The following FOXN3 variants were observed in gnomAD, a reference collection of about 807,000 sequenced individuals.
FOXN3 encodes forkhead box protein N3.
A neutral mutation model predicts 38.4 loss-of-function variants in FOXN3; 7 were observed. That is an observed-to-expected ratio of 0.18 (90% CI 0.10 to 0.34). FOXN3 has a LOEUF of 0.34. Ranked by LOEUF, FOXN3 falls within the 10% of genes least tolerant of loss-of-function variation. FOXN3 has a pLI of 1.00. For missense variants in FOXN3, 456 were observed against 613.4 expected (o/e 0.74, Z 2.71); for synonymous variants, 230 against 242.2 (o/e 0.95, Z 0.47).
intron 4 of FOXN3, among the ~76,000 whole-genome samples, chr14:89,246,553 T>TTTTTTTTTC (rs1885304383): frequency 7.0e-6 from 1 of 142,632 alleles, no homozygotes; most frequent in African/African-American, 2.6e-5. Context: ...TTTTTTTTTT[T>TTTTTTTTTC]TTTTTTTGAG....
At chr14:89,462,823 TA>T (rs1312150082) in intron 1 of FOXN3, among the ~76,000 whole-genome samples, 1 of 151,696 alleles carries the variant, frequency 6.6e-6, no homozygotes, top group Non-Finnish European at 1.5e-5. Context: ...TAGCTGGGAC[TA>T]CAGGCGCCCG....
At chr14:89,248,140 G>A (rs892855322) in intron 4 of FOXN3, among the ~76,000 whole-genome samples, 1 of 152,182 alleles carries the variant, frequency 6.6e-6, no homozygotes, top group Non-Finnish European at 1.5e-5. Flanking sequence ...AGCTGGACCT[G>A]AGGTCACATT....
chr14:89,431,286 T>C (rs1209018618), intron 1 of FOXN3, among the ~76,000 whole-genome samples: 2 of 152,158 alleles, frequency 1.3e-5, no homozygotes, highest in African/African-American at 4.8e-5. Context: ...CTGCAACTTC[T>C]TCAGCTTCAC....
chr14:89,252,623 C>G (rs1885492743), intron 4 of FOXN3, among the ~76,000 whole-genome samples: 1 of 144,132 alleles, frequency 6.9e-6, no homozygotes, highest in Non-Finnish European at 1.5e-5. Flanking sequence ...CATTGCACTC[C>G]AGCCTGGGCA....
chr14:89,384,766 T>C (rs908384527), intron 2 of FOXN3, among the ~76,000 whole-genome samples: 31 of 152,120 alleles, frequency 2.0e-4, no homozygotes, highest in Non-Finnish European at 4.3e-4. Flanking sequence ...GGCAGACTTC[T>C]TGGAGGCGAT....
In FOXN3 at chr14:89,164,905, G is replaced by T. The variant is rs1486230336; in HGVS notation, c.852-1936C>A. Among the ~76,000 whole-genome samples the T allele has an allele frequency of 6.6e-6, 1 of 151,860 alleles. No individual in the cohort carries two copies. On this transcript the variant is annotated intron_variant, in intron 5 of 5. Transcript: ENST00000557258. The surrounding 1 kb of genome is among the most constrained non-coding windows in gnomAD (Gnocchi z 4.3). ...AGGGAAAGAGTCCCTAATGAAAAGG[G>T]TGCAGTAGGGAGTGAGGCGAAGGAG...
chr14:89,528,374 A>ATTTT (rs1280882695), intron 1 of FOXN3, among the ~76,000 whole-genome samples: 10 of 62,184 alleles, frequency 1.6e-4, no homozygotes, highest in African/African-American at 4.5e-4. Context: ...ACATGGATGA[A>ATTTT]TCTTTTTTTT....
chr14:89,286,806 A>C (rs1016264779), intron 3 of FOXN3, among the ~76,000 whole-genome samples: 2 of 152,160 alleles, frequency 1.3e-5, no homozygotes, highest in African/African-American at 4.8e-5. Flanking sequence ...GTGTGTGGGA[A>C]GCTTCACAAA....
intron 1 of FOXN3, among the ~76,000 whole-genome samples, chr14:89,564,773 G>T (rs537588573): frequency 1.3e-5 from 2 of 151,516 alleles, no homozygotes; most frequent in Admixed American, 1.3e-4. Context: ...GGAATAAGGT[G>T]GGCCCTAAAT....
intron 1 of FOXN3, among the ~76,000 whole-genome samples, chr14:89,510,261 C>T (rs539283913): frequency 1.3e-5 from 2 of 152,236 alleles, no homozygotes; most frequent in South Asian, 2.1e-4. Flanking sequence ...TCCTAACTGC[C>T]GATATTCTGT....
chr14:89,360,716 T>TCCACTACCACC (rs1889458674), intron 2 of FOXN3, among the ~76,000 whole-genome samples: 1 of 93,260 alleles, frequency 1.1e-5, no homozygotes, highest in Non-Finnish European at 2.3e-5. Flanking sequence ...CCTCCAGCAC[T>TCCACTACCACC]ACCTCCACCA....
chr14:89,268,251 C>T lies in FOXN3; in HGVS notation c.745+12699G>A, dbSNP rs891507252. ...GTCTCTGCAGCTATAATGGGGGATACGTGGATGTGAGGAGTATTACTACTA... is the reference window on the plus strand; with the variant it reads ...GTCTCTGCAGCTATAATGGGGGATATGTGGATGTGAGGAGTATTACTACTA... On this transcript the variant is annotated intron_variant, in intron 4 of 5. Coordinates refer to ENST00000557258, the MANE Select transcript of FOXN3 (RefSeq NM_005197.4). 1.1e-4 allele frequency among the ~76,000 whole-genome samples: 17 copies of T among 152,262 alleles called. No homozygotes were observed. In the East Asian group the frequency reaches 1.2e-3, roughly 10 times the overall value.
intron 3 of FOXN3, among the ~76,000 whole-genome samples, chr14:89,339,403 A>G (rs776083902): frequency 2.6e-5 from 4 of 152,172 alleles, no homozygotes; most frequent in Non-Finnish European, 5.9e-5. Context: ...GCCTCTTTCT[A>G]GACCTAACTA....
chr14:89,335,719 A>G (rs1566959814), intron 3 of FOXN3, among the ~76,000 whole-genome samples: 1 of 152,348 alleles, frequency 6.6e-6, no homozygotes, highest in East Asian at 1.9e-4. Context: ...ACTGTGTACA[A>G]TATTAGAGAT....
At chr14:89,226,199 GGGAGAGGGAAAA>G (rs1359939473) in intron 4 of FOXN3, among the ~76,000 whole-genome samples, 48 of 151,278 alleles carry the variant, frequency 3.2e-4, no homozygotes, top group African/African-American at 1.1e-3. Context: ...AGGAGGGACA[GGGAGAGGGAAAA>G]GGAGAGGGAG....
Position 89,390,109 on chromosome 14 carries a change from C to T in FOXN3, c.543+21825G>A, listed in dbSNP as rs577241699. ...GGCATAGTGACACAAGCCTGTAGTC[C>T]TAGCTATTTGGGAGGCTGAGGTGGG... is the stretch of plus-strand genomic sequence containing the variant. On this transcript the variant is annotated intron_variant, in intron 2 of 5. Coordinates refer to ENST00000557258, the MANE Select transcript of FOXN3 (RefSeq NM_005197.4). Among the ~76,000 whole-genome samples, 4 of 151,536 alleles carry T rather than the reference C, an allele frequency of 2.6e-5. No homozygotes were observed. The South Asian group carries it at 8.4e-4, about 32-fold the overall frequency.
intron 2 of FOXN3, among the ~76,000 whole-genome samples, chr14:89,377,186 GA>G (rs1201186061): frequency 6.6e-6 from 1 of 151,396 alleles, no homozygotes; most frequent in Non-Finnish European, 1.5e-5. Flanking sequence ...GACTGTCTCA[GA>G]AAAAAGAAAA....
upstream of FOXN3, chr14:89,417,587 GGCGCT>G (rs1891785503): frequency 2.7e-6 from 1 of 368,294 alleles, no homozygotes; most frequent in African/African-American, 2.1e-5. Flanking sequence ...CGAGCGGGCC[GGCGCT>G]GCGCTGCTGG....
At chr14:89,514,637 C>G (rs1894166699) in intron 1 of FOXN3, among the ~76,000 whole-genome samples, 1 of 152,190 alleles carries the variant, frequency 6.6e-6, no homozygotes, top group South Asian at 2.1e-4. Context: ...CCCCGACTGT[C>G]AGGACGGCAC....
Sources: gnomAD v4.1 joint callset for allele counts (sites outside exome capture counted in the v4.1 genomes callset) on GRCh38, gnomAD v4.1.1 for gene constraint, Gnocchi (gnomAD v3.1) non-coding constraint, MANE v1.5 for transcripts, NCBI Gene and HGNC (gene_info 2026-07-23, HGNC 2026-07-21) for gene names.